CCDC174: variants seen among roughly 807,000 people sequenced by gnomAD.
CCDC174 encodes the protein coiled-coil domain containing 174, also known as coiled-coil domain-containing protein 174.
Under a neutral mutation model 57.1 loss-of-function variants are expected in CCDC174, and 37 were observed. The ratio of observed to expected loss-of-function variants is 0.65; its 90% CI spans 0.50 to 0.85. The LOEUF is 0.85. Ranked by LOEUF, CCDC174 falls within the 40% of genes least tolerant of loss-of-function variation. The pLI, the probability that CCDC174 is intolerant of heterozygous loss-of-function variation, is 0.00. For missense variants in CCDC174, 540 were observed against 574.3 expected, an observed-to-expected ratio of 0.94 and a Z score of 0.61; for synonymous variants, 182 against 190.2, an observed-to-expected ratio of 0.96 and a Z score of 0.35.
Position 14,671,031 on chromosome 3 carries a change from C to G in CCDC174, c.1241C>G (p.Pro414Arg). The change falls in exon 11 of 11, where the codon CCT (proline) becomes CGT (arginine). Residue 414 changes from proline to arginine, a missense_variant. Physicochemically the swap from Pro to Arg is moderately radical, Grantham distance 103. Coordinates refer to ENST00000383794, the MANE Select transcript of CCDC174 (RefSeq NM_016474.5). Reference sequence around the variant, plus strand: ...TCCAGCAGCCAGGCATGGAGCAGACCTGGGCCAGCACAGAGTGACCCAGGG... The same window carrying G: ...TCCAGCAGCCAGGCATGGAGCAGACGTGGGCCAGCACAGAGTGACCCAGGG... ...GFSSSQAWSRPGPAQSDPGQC... is the reference protein window; with the variant it reads ...GFSSSQAWSRRGPAQSDPGQC... The G allele has an allele frequency of 6.2e-7, 1 of 1,614,182 alleles. No homozygotes were observed. Among genetic ancestry groups the G allele is most frequent in the Non-Finnish European group, 8.5e-7 (1 of 1,180,038 alleles).
chr3:14,654,380 C>T (rs1462922985), intron 1 of CCDC174, 46 bp from the exon 2 acceptor site: 2 of 967,658 alleles, frequency 2.1e-6, no homozygotes, highest in East Asian at 2.4e-5. Context: ...AATCCAGTCA[C>T]CTGCAGGAAT....
intron 5 of CCDC174, among the ~76,000 whole-genome samples, chr3:14,662,946 GA>G (rs1198260437): frequency 5.3e-5 from 8 of 152,318 alleles, no homozygotes; most frequent in African/African-American, 1.9e-4. Context: ...TAAATAGTTT[GA>G]TACCATTTGG....
chr3:14,670,011 G>C lies in CCDC174; in HGVS notation c.1030G>C (p.Val344Leu), dbSNP rs1288511093. Residue 344 changes from valine (V) to leucine (L), a missense_variant, in exon 10 of 11, where the codon GTA becomes CTA. Val to Leu is a conservative substitution (Grantham distance 32). Transcript: ENST00000383794. ...ACGTCCTGCTGCCCAGAGTAGCAAA[G>C]TAGAAGTCATTGTCCAGGAGAGGAA... ...TPRPAAQSSK[V>L]EVIVQERKDT... 4 of 1,611,214 alleles carry C rather than the reference G, an allele frequency of 2.5e-6. No homozygotes were observed. Among genetic ancestry groups the C allele is most frequent in the Non-Finnish European group, 3.4e-6 (4 of 1,179,290 alleles).
Position 14,671,211 on chromosome 3 carries a change from G to A in CCDC174, c.*17G>A. ...GTGACATGATCTTTCAAAGCACGCT[G>A]ACTTGGGTTTGTACTTTGACAGTGC... On this transcript the variant is annotated 3_prime_UTR_variant, in exon 11 of 11. Coordinates refer to ENST00000383794, the MANE Select transcript of CCDC174 (RefSeq NM_016474.5). 6.3e-7 allele frequency: 1 copy of A among 1,594,406 alleles called. No individual in the cohort carries two copies.
At position 14,655,676 on chromosome 3, in the gene CCDC174, A is replaced by T. The variant is rs778500591; in HGVS notation, c.248+47A>T. 4.0e-6 allele frequency: 5 copies of T among 1,259,530 alleles called. No individual in the cohort carries two copies. In the African/African-American group the frequency reaches 7.6e-5, roughly 19 times the overall value. The allele number at this position is 1,259,530 out of a possible 1,614,324, so 78.0% of individuals were successfully genotyped here. ...AATATAGTTAGCTTTGAGGCTACCC[A>T]GGCAGAGAAATGGAAGTTCAAATTT... On this transcript the variant is annotated intron_variant, in intron 3 of 10. Transcript: ENST00000383794.
chr3:14,663,856 C>A (rs781057341), intron 5 of CCDC174, among the ~76,000 whole-genome samples: 41 of 152,184 alleles, frequency 2.7e-4, no homozygotes, highest in Non-Finnish European at 4.7e-4. Flanking sequence ...CACATGCCAC[C>A]ATATGGTGAA....
At position 14,671,314 on chromosome 3, in the gene CCDC174, C is replaced by G; in HGVS notation, c.*120C>G. On this transcript the variant is annotated 3_prime_UTR_variant, in exon 11 of 11. Coordinates refer to ENST00000383794, the MANE Select transcript of CCDC174 (RefSeq NM_016474.5). Reference sequence around the variant, plus strand: ...CTGTCCTTTCCCTAGGAGGCACAGACTTCGGGTTGGATTTGTCAGCAAGGA... The same window carrying G: ...CTGTCCTTTCCCTAGGAGGCACAGAGTTCGGGTTGGATTTGTCAGCAAGGA... 3.7e-6 allele frequency: 4 copies of G among 1,074,218 alleles called. No individual in the cohort carries two copies. The highest frequency in any genetic ancestry group is 4.0e-6 in the Non-Finnish European group (3 of 756,316). The allele number at this position is 1,074,218 out of a possible 1,614,324, so 66.5% of individuals were successfully genotyped here.
At chr3:14,656,750 T>C (rs1018110735) in intron 3 of CCDC174, among the ~76,000 whole-genome samples, 1 of 152,246 alleles carries the variant, frequency 6.6e-6, no homozygotes, top group Non-Finnish European at 1.5e-5. Flanking sequence ...ATCACATTGC[T>C]GGTTTCAGAA....
chr3:14,664,774 T>G (rs1446355684), intron 5 of CCDC174, among the ~76,000 whole-genome samples: 9 of 152,250 alleles, frequency 5.9e-5, no homozygotes, highest in African/African-American at 2.2e-4. Context: ...GTGATTTATC[T>G]GTGAGATCAA....
At position 14,671,035 on chromosome 3, in the gene CCDC174, G is replaced by A. The variant is rs942928321; in HGVS notation, c.1245G>A (p.Gly415=). ...FSSSQAWSRP[G]PAQSDPGQCP... ...GCAGCCAGGCATGGAGCAGACCTGG[G>A]CCAGCACAGAGTGACCCAGGGCAGT... The change falls in exon 11 of 11, where the codon GGG becomes GGA. Residue 415 remains glycine, a synonymous_variant. Coordinates refer to ENST00000383794, the MANE Select transcript of CCDC174 (RefSeq NM_016474.5). The A allele has an allele frequency of 6.8e-6, 11 of 1,614,132 alleles. No individual in the cohort carries two copies. Among genetic ancestry groups the A allele is most frequent in the Non-Finnish European group, 9.3e-6 (11 of 1,180,012 alleles).
At position 14,666,961 on chromosome 3, in the gene CCDC174, C is replaced by T; in HGVS notation, c.724+14C>T. On this transcript the variant is annotated intron_variant, in intron 7 of 10. Coordinates refer to ENST00000383794, the MANE Select transcript of CCDC174 (RefSeq NM_016474.5). ...TTCGGGAAAATGGTATGACTATTTT[C>T]TTGCAGCTTTGCAAATCTTATTTTT... The T allele has an allele frequency of 6.4e-7, 1 of 1,567,818 alleles. No individual in the cohort carries two copies. Among genetic ancestry groups the T allele is most frequent in the Non-Finnish European group, 8.6e-7 (1 of 1,164,766 alleles).
In CCDC174 at chr3:14,661,580, G is replaced by T. The variant is rs142075053; in HGVS notation, c.358G>T (p.Asp120Tyr). 6.2e-7 allele frequency: 1 copy of T among 1,614,062 alleles called. No individual in the cohort carries two copies. The highest frequency in any genetic ancestry group is 8.5e-7 in the Non-Finnish European group (1 of 1,180,008). ...YLVDFTQKII[D>Y]KRKEMEASGA... is the part of the protein sequence containing the mutation. Reference sequence around the variant, plus strand: ...TGTGGATTTCACACAGAAGATCATAGACAAGCGCAAAGAAATGGAGGCATC... The same window carrying T: ...TGTGGATTTCACACAGAAGATCATATACAAGCGCAAAGAAATGGAGGCATC... Residue 120 changes from aspartate (D) to tyrosine (Y), a missense_variant, in exon 5 of 11, where the codon GAC becomes TAC. Physicochemically the swap from Asp to Tyr is radical, Grantham distance 160. Transcript: ENST00000383794.
At position 14,671,371 on chromosome 3, in the gene CCDC174, G is replaced by A; in HGVS notation, c.*177G>A. 1.6e-6 allele frequency: 1 copy of A among 619,076 alleles called. No homozygotes were observed. Among genetic ancestry groups the A allele is most frequent in the Non-Finnish European group, 2.8e-6 (1 of 359,776 alleles). 38.3% of individuals were successfully genotyped at this position (619,076 alleles called of 1,614,324 possible). A position where few individuals can be genotyped will look rare whatever the true frequency, so the allele number is the denominator to read the frequency against. ...TTATGGAAACTTTGGCCACTTGGCT[G>A]TTCATTTTATTCTAAGTGGGATAGG... On this transcript the variant is annotated 3_prime_UTR_variant, in exon 11 of 11. Transcript: ENST00000383794.
At position 14,668,067 on chromosome 3, in the gene CCDC174, A is replaced by T. The variant is rs2031397009; in HGVS notation, c.838A>T (p.Lys280Ter). The T allele has an allele frequency of 6.2e-7, 1 of 1,600,336 alleles. No individual in the cohort carries two copies. Among genetic ancestry groups the T allele is most frequent in the African/African-American group, 1.4e-5 (1 of 73,896 alleles). The change falls in exon 9 of 11, where the codon AAA becomes TAA. Residue 280 changes from lysine to a stop codon, truncating the protein, a stop_gained. Coordinates refer to ENST00000383794, the MANE Select transcript of CCDC174 (RefSeq NM_016474.5). LOFTEE classifies it high-confidence loss of function. The part of the protein sequence containing the change: ...LREQTTDQRT[K>*]RENIKEKRKA... ...TGTTCAGACAACAGATCAGAGAACA[A>T]AACGAGAAAACATAAAGGAAAAGCG...
Position 14,668,151 on chromosome 3 carries a change from A to C in CCDC174, c.922A>C (p.Lys308Gln). The C allele has an allele frequency of 1.2e-6, 2 of 1,611,856 alleles. No individual in the cohort carries two copies. Among genetic ancestry groups the C allele is most frequent in the Non-Finnish European group, 1.7e-6 (2 of 1,179,232 alleles). ...TCGACAAAAAAAGATGAAAAAATCAAAAGAAGGTGGAACAGAAGAAGAAAA... is the reference window on the plus strand; with the variant it reads ...TCGACAAAAAAAGATGAAAAAATCACAAGAAGGTGGAACAGAAGAAGAAAA... ...KLRQKKMKKS[K>Q]EGGTEEENRD... The change falls in exon 9 of 11, where the codon AAA (lysine) becomes CAA (glutamine). Residue 308 changes from lysine to glutamine, a missense_variant. Transcript: ENST00000383794.
chr3:14,669,908 G>A lies in CCDC174; in HGVS notation c.953-26G>A, dbSNP rs1168614982. The A allele has an allele frequency of 3.7e-6, 6 of 1,609,614 alleles. No homozygotes were observed. In the African/African-American group the frequency reaches 6.7e-5, roughly 18 times the overall value. On this transcript the variant is annotated intron_variant, in intron 9 of 10. Coordinates refer to ENST00000383794, the MANE Select transcript of CCDC174 (RefSeq NM_016474.5). ...AATAGCTTTAGGCTTTTTTATAACAGTGTCTTATTCTTTTACAAAAAATAG... is the reference window on the plus strand; with the variant it reads ...AATAGCTTTAGGCTTTTTTATAACAATGTCTTATTCTTTTACAAAAAATAG...
rs375851471 is a variant in CCDC174 at position 14,651,792 on chromosome 3, C to T, written c.-45C>T. ...GGAGGTAGGCTTACGAGGCCTGTGTCGGGTAGAAAGGGTCCTTCCTGGACC... is the reference window on the plus strand; with the variant it reads ...GGAGGTAGGCTTACGAGGCCTGTGTTGGGTAGAAAGGGTCCTTCCTGGACC... On this transcript the variant is annotated 5_prime_UTR_variant, in exon 1 of 11. Coordinates refer to ENST00000383794, the MANE Select transcript of CCDC174 (RefSeq NM_016474.5). The T allele has an allele frequency of 2.5e-6, 4 of 1,606,792 alleles. No homozygotes were observed. The highest frequency in any genetic ancestry group is 2.2e-5 in the East Asian group (1 of 44,852).
At chr3:14,659,972 GCCAGGCTGGTCCTAGGT>G (rs1280413498) in intron 4 of CCDC174, among the ~76,000 whole-genome samples, 6 of 152,148 alleles carry the variant, frequency 3.9e-5, no homozygotes, top group African/African-American at 1.4e-4. Context: ...TAGGAGAGAG[GCCAGGCTGGTCCTAGGT>G]CCCTGACCGC....
Position 14,668,143 on chromosome 3 carries a change from A to G in CCDC174, c.914A>G (p.Lys305Arg). 1 of 1,612,006 alleles carries G rather than the reference A, an allele frequency of 6.2e-7. No homozygotes were observed. Among genetic ancestry groups the G allele is most frequent in the Non-Finnish European group, 8.5e-7 (1 of 1,179,280 alleles). ...GCCAAACTTCGACAAAAAAAGATGA[A>G]AAAATCAAAAGAAGGTGGAACAGAA... ...RLAKLRQKKMKKSKEGGTEEE... is the reference protein window; with the variant it reads ...RLAKLRQKKMRKSKEGGTEEE... Residue 305 changes from lysine to arginine, a missense_variant, in exon 9 of 11, where the codon AAA (lysine) becomes AGA (arginine). Lys to Arg is a conservative substitution (Grantham distance 26). Transcript: ENST00000383794.
Sources: gnomAD v4.1 joint callset for allele counts (sites outside exome capture counted in the v4.1 genomes callset) on GRCh38, gnomAD v4.1.1 for gene constraint, MANE v1.5 for transcripts, NCBI Gene and HGNC (gene_info 2026-07-23, HGNC 2026-07-21) for gene names.